TTC1: variants seen among roughly 807,000 people sequenced by gnomAD.
The protein encoded by TTC1 is tetratricopeptide repeat protein 1.
A neutral mutation model predicts 37.6 loss-of-function variants in TTC1; 31 were observed. The observed-to-expected ratio is 0.82, with a 90% confidence interval of 0.62 to 1.11. The LOEUF is 1.11. Ranked by LOEUF, TTC1 falls within the 50% of genes most tolerant of loss-of-function variation. The pLI, the probability that TTC1 is intolerant of heterozygous loss-of-function variation, is 0.00. For missense variants in TTC1, 351 were observed against 339.0 expected (o/e 1.04, Z -0.28); for synonymous variants, 127 against 122.4 (o/e 1.04, Z -0.25).
At chr5:160,013,310 A>G (rs879725837) in intron 2 of TTC1, among the ~76,000 whole-genome samples, 11 of 152,112 alleles carry the variant, frequency 7.2e-5, no homozygotes, top group Non-Finnish European at 1.5e-4. Context: ...TCTTCTACAT[A>G]TATGGTTTGG....
intron 5 of TTC1, among the ~76,000 whole-genome samples, chr5:160,044,329 C>T (rs909590289): frequency 6.6e-6 from 1 of 152,146 alleles, no homozygotes; most frequent in Non-Finnish European, 1.5e-5. Context: ...AGTGAAAAAG[C>T]AAGTTTATTA....
intron 6 of TTC1, 83 bp downstream of exon 6, chr5:160,049,745 C>A: frequency 8.5e-7 from 1 of 1,175,500 alleles, no homozygotes; most frequent in Non-Finnish European, 1.1e-6. Flanking sequence ...CTTTCAGACA[C>A]AATTAAATTC....
chr5:160,012,835 C>G (rs903424498), intron 2 of TTC1, among the ~76,000 whole-genome samples: 6 of 152,080 alleles, frequency 3.9e-5, no homozygotes, highest in African/African-American at 1.4e-4. Flanking sequence ...CTGCATAGTT[C>G]ACGTTTCTAT....
intron 2 of TTC1, among the ~76,000 whole-genome samples, chr5:160,014,531 T>A (rs561911804): frequency 4.7e-4 from 72 of 151,886 alleles, no homozygotes; most frequent in Admixed American, 1.2e-3. Context: ...TTAATTAAAA[T>A]TTTTTAAAAA....
chr5:160,017,999 A>G (rs1357465466), intron 2 of TTC1, among the ~76,000 whole-genome samples: 1 of 152,192 alleles, frequency 6.6e-6, no homozygotes, highest in Non-Finnish European at 1.5e-5. Context: ...GGATGGTGCT[A>G]TGGTTTGAAT....
intron 5 of TTC1, among the ~76,000 whole-genome samples, chr5:160,048,831 A>G (rs1022461147): frequency 1.3e-5 from 2 of 152,160 alleles, no homozygotes; most frequent in Admixed American, 1.3e-4. Flanking sequence ...CATGCCTGTA[A>G]TCCCAGCTAC....
chr5:160,052,523 T>C (rs1422872082), intron 7 of TTC1, among the ~76,000 whole-genome samples: 1 of 112,812 alleles, frequency 8.9e-6, no homozygotes, highest in Non-Finnish European at 1.7e-5. Flanking sequence ...CACCTATTTT[T>C]ACTAACAATG....
At chr5:160,043,224 G>C in intron 5 of TTC1, 55 bp downstream of exon 5, 1 of 1,602,662 alleles carries the variant, frequency 6.2e-7, no homozygotes, top group Non-Finnish European at 8.5e-7. Context: ...ATGTCAGACA[G>C]AGGGGCTTTG....
intron 7 of TTC1, among the ~76,000 whole-genome samples, chr5:160,053,418 G>C (rs1211958568): frequency 6.6e-6 from 1 of 152,052 alleles, no homozygotes; most frequent in African/African-American, 2.4e-5. Flanking sequence ...AAAAAAATTA[G>C]CCAGGTGTGC....
At chr5:160,019,172 C>T (rs1436581804) in intron 2 of TTC1, among the ~76,000 whole-genome samples, 1 of 152,102 alleles carries the variant, frequency 6.6e-6, no homozygotes, top group Admixed American at 6.6e-5. Context: ...CATAAGGGAT[C>T]CAAAAGTCTG....
At chr5:160,038,581 A>G (rs1757034165) in intron 4 of TTC1, among the ~76,000 whole-genome samples, 2 of 152,140 alleles carry the variant, frequency 1.3e-5, no homozygotes, top group Non-Finnish European at 2.9e-5. Context: ...AGAACTCAAA[A>G]GAGCGTTGCT....
At chr5:160,014,649 G>A (rs1176357303) in intron 2 of TTC1, among the ~76,000 whole-genome samples, 3 of 152,102 alleles carry the variant, frequency 2.0e-5, no homozygotes, top group Non-Finnish European at 2.9e-5. Flanking sequence ...GCTGCAGTGA[G>A]CCATGATCAC....
At chr5:160,059,204 C>T (rs1757630491) in intron 7 of TTC1, among the ~76,000 whole-genome samples, 1 of 152,106 alleles carries the variant, frequency 6.6e-6, no homozygotes, top group African/African-American at 2.4e-5. Context: ...TTTTCATCTA[C>T]ACTAAAAACA....
chr5:160,052,571 A>AAAC (rs1381756002), intron 7 of TTC1, among the ~76,000 whole-genome samples: 1 of 148,896 alleles, frequency 6.7e-6, no homozygotes, highest in African/African-American at 2.5e-5. Flanking sequence ...AAAAAAAAAA[A>AAAC]AAACTGTTTG....
chr5:160,035,470 G>A (rs1219603609), intron 3 of TTC1, among the ~76,000 whole-genome samples: 1 of 152,190 alleles, frequency 6.6e-6, no homozygotes, highest in Non-Finnish European at 1.5e-5. Context: ...AAACTCTTGA[G>A]CTCTTGCTTT....
intron 5 of TTC1, among the ~76,000 whole-genome samples, chr5:160,045,520 A>T (rs867673782): frequency 0.092 from 5,001 of 54,450 alleles, 438 homozygotes; most frequent in Admixed American, 0.17. Flanking sequence ...ACACATACAC[A>T]CTCTCTCTCT....
In TTC1 at chr5:160,034,480, G is replaced by C. The variant is rs562526166; in HGVS notation, c.331-660G>C. Among the ~76,000 whole-genome samples, 5 of 152,204 alleles carry C rather than the reference G, an allele frequency of 3.3e-5. No homozygotes were observed. In the East Asian group the frequency reaches 9.7e-4, roughly 29 times the overall value. On this transcript the variant is annotated intron_variant, in intron 2 of 7. Transcript: ENST00000231238. The stretch of plus-strand genomic sequence containing the variant: ...AACAGTATACTGCCCTAACCCTACA[G>C]ACTTGGCTTGTACCCACAAATGTGC...
chr5:160,009,689 A>G (rs796427854), intron 1 of TTC1, among the ~76,000 whole-genome samples: 3 of 152,300 alleles, frequency 2.0e-5, no homozygotes, highest in African/African-American at 7.2e-5. Context: ...GGTATTTTCT[A>G]AAGTATCTCT....
intron 2 of TTC1, among the ~76,000 whole-genome samples, chr5:160,034,517 A>G (rs1476791525): frequency 2.0e-5 from 3 of 152,204 alleles, no homozygotes; most frequent in Non-Finnish European, 4.4e-5. Flanking sequence ...CTCCTAGCAT[A>G]CTGTGTCTCC....
Sources: gnomAD v4.1 joint callset for allele counts (sites outside exome capture counted in the v4.1 genomes callset) on GRCh38, gnomAD v4.1.1 for gene constraint, MANE v1.5 for transcripts, NCBI Gene and HGNC (gene_info 2026-07-23, HGNC 2026-07-21) for gene names.